Variants in SV2C observed in about 807,000 individuals in gnomAD.
SV2C encodes synaptic vesicle glycoprotein 2C, also known as solute carrier family 22 member B3.
Under a neutral mutation model 79.7 loss-of-function variants are expected in SV2C, and 49 were observed. The observed-to-expected ratio is 0.61, with a 90% CI of 0.49 to 0.78. SV2C has a LOEUF of 0.78. Among genes scored for constraint, SV2C ranks in the 30% least tolerant of loss-of-function variants. The probability of loss-of-function intolerance (pLI) is 0.00; values close to 1 mark genes in which losing one functional copy is unlikely to be tolerated. For missense variants in SV2C, 833 were observed against 912.9 expected (o/e 0.91, Z 1.13); for synonymous variants, 334 against 333.2 (o/e 1.00, Z -0.03).
intron 1 of SV2C, among the ~76,000 whole-genome samples, chr5:76,085,463 A>C (rs1023092177): frequency 1.3e-5 from 2 of 152,132 alleles, no homozygotes; most frequent in Admixed American, 1.3e-4. Flanking sequence ...CCAGTGACAA[A>C]GTTTTTCTAC....
intron 12 of SV2C, among the ~76,000 whole-genome samples, chr5:76,339,590 T>C (rs1749400183): frequency 6.6e-6 from 1 of 151,930 alleles, no homozygotes; most frequent in South Asian, 2.1e-4. Context: ...GGTGGGCACC[T>C]GTAGTCCCAG....
the SV2C span, among the ~76,000 whole-genome samples, chr5:75,946,650 C>T: frequency 6.6e-6 from 1 of 151,970 alleles, no homozygotes; most frequent in African/African-American, 2.4e-5. Flanking sequence ...AATGTATTAA[C>T]CTAAGCAAAA....
rs772572893 is a variant in SV2C, at chr5:76,223,432, T to TATAC, written c.913+13557_913+13560dup. Among the ~76,000 whole-genome samples the TATAC allele has an allele frequency of 8.1e-3, 679 of 83,936 alleles. 18 individuals carry two copies. Among genetic ancestry groups the TATAC allele is most frequent in the Non-Finnish European group, 0.011 (478 of 44,128 alleles). The allele number at this position is 83,936 out of a possible 152,430, so 55.1% of individuals were successfully genotyped here. A position where few individuals can be genotyped will look rare whatever the true frequency, so the allele number is the denominator to read the frequency against. ...GACAGAGCAAGACCCTGTCTCTTTA[T>TATAC]ATACATACATACATATATATATATA... On this transcript the variant is annotated intron_variant, in intron 4 of 12. Coordinates refer to ENST00000502798, the MANE Select transcript of SV2C (RefSeq NM_014979.4).
chr5:75,942,558 A>G, the SV2C span, among the ~76,000 whole-genome samples: 2 of 152,202 alleles, frequency 1.3e-5, no homozygotes, highest in African/African-American at 4.8e-5. Context: ...CAGTTATATG[A>G]GAGAAAAATA....
At chr5:76,123,959 CT>C (rs1384446319) in intron 1 of SV2C, among the ~76,000 whole-genome samples, 1 of 152,146 alleles carries the variant, frequency 6.6e-6, no homozygotes, top group African/African-American at 2.4e-5. Context: ...GCTCATGCAT[CT>C]GCATAGTCTA....
At chr5:76,145,261 G>A (rs1410918965) in intron 2 of SV2C, among the ~76,000 whole-genome samples, 1 of 152,206 alleles carries the variant, frequency 6.6e-6, no homozygotes, top group African/African-American at 2.4e-5. Flanking sequence ...GCTCTACTTA[G>A]TATGGGATGT....
the SV2C span, among the ~76,000 whole-genome samples, chr5:75,895,905 C>T: frequency 6.6e-6 from 1 of 151,862 alleles, no homozygotes; most frequent in Non-Finnish European, 1.5e-5. Flanking sequence ...ATTGTAGTAC[C>T]TTTAGGGTTT....
At chr5:76,239,601 T>A (rs73766739) in intron 4 of SV2C, among the ~76,000 whole-genome samples, 17,898 of 152,152 alleles carry the variant, frequency 0.12, 3,071 homozygotes, top group African/African-American at 0.38. Context: ...GCTTACTCAC[T>A]TGGCTACCAA....
chr5:76,032,445 T>C, the SV2C span, among the ~76,000 whole-genome samples: 3 of 152,128 alleles, frequency 2.0e-5, no homozygotes, highest in Admixed American at 2.0e-4. Context: ...CCCCTTCCTG[T>C]GTCCATGTGT....
At chr5:75,933,593 A>T in the SV2C span, among the ~76,000 whole-genome samples, 80 of 152,284 alleles carry the variant, frequency 5.3e-4, no homozygotes, top group African/African-American at 1.8e-3. Flanking sequence ...CTAGGGCAGG[A>T]CCATCAGTGG....
the SV2C span, among the ~76,000 whole-genome samples, chr5:75,918,650 A>G: frequency 1.3e-5 from 2 of 152,202 alleles, no homozygotes; most frequent in African/African-American, 4.8e-5. Flanking sequence ...CACATCATCC[A>G]CCACTCAGAC....
chr5:76,225,773 C>T (rs921313926), intron 4 of SV2C, among the ~76,000 whole-genome samples: 1 of 152,108 alleles, frequency 6.6e-6, no homozygotes, highest in African/African-American at 2.4e-5. Flanking sequence ...CTAAAGTATC[C>T]AACAAAGAAG....
At chr5:76,268,760 T>C (rs912583331) in intron 4 of SV2C, among the ~76,000 whole-genome samples, 2 of 152,238 alleles carry the variant, frequency 1.3e-5, no homozygotes, top group African/African-American at 4.8e-5. Context: ...CTCTTTTTAC[T>C]CTTTCATTGT....
chr5:76,126,453 G>A (rs561859938), intron 1 of SV2C, among the ~76,000 whole-genome samples: 14 of 152,186 alleles, frequency 9.2e-5, no homozygotes, highest in Middle Eastern at 3.4e-3. Flanking sequence ...TGCTCAGTGC[G>A]GAAAGCTTCT....
chr5:75,976,882 G>A, the SV2C span, among the ~76,000 whole-genome samples: 1 of 152,110 alleles, frequency 6.6e-6, no homozygotes, highest in East Asian at 1.9e-4. Flanking sequence ...TTCCAACATA[G>A]CGGTACATCC....
intron 12 of SV2C, among the ~76,000 whole-genome samples, chr5:76,325,057 G>A (rs1417838941): frequency 1.3e-5 from 2 of 152,030 alleles, no homozygotes; most frequent in African/African-American, 2.4e-5. Context: ...TTCCAACAAC[G>A]TTAAACCACT....
At chr5:75,879,076 C>T in the SV2C span, among the ~76,000 whole-genome samples, 1 of 152,146 alleles carries the variant, frequency 6.6e-6, no homozygotes, top group African/African-American at 2.4e-5. Flanking sequence ...TCTGTCATCG[C>T]CAAGGGTATG....
chr5:76,098,898 T>G (rs1747648918), intron 1 of SV2C, among the ~76,000 whole-genome samples: 1 of 152,186 alleles, frequency 6.6e-6, no homozygotes, highest in African/African-American at 2.4e-5. Context: ...CTGCTGGCCC[T>G]AGAAGTTGTG....
At chr5:76,233,440 C>T (rs1408253400) in intron 4 of SV2C, among the ~76,000 whole-genome samples, 138 of 133,346 alleles carry the variant, frequency 1.0e-3, no homozygotes, top group Middle Eastern at 3.6e-3. Context: ...TTTCCTTCTC[C>T]TGCCTAATTG....
Sources: allele counts gnomAD v4.1 joint callset (sites outside exome capture counted in the v4.1 genomes callset), GRCh38; gene constraint gnomAD v4.1.1; transcripts MANE v1.5; gene names NCBI Gene and HGNC (gene_info 2026-07-23, HGNC 2026-07-21).